Variants in SLC1A4 observed in about 807,000 individuals in gnomAD.
The protein encoded by SLC1A4 is neutral amino acid transporter A.
A neutral mutation model predicts 37.7 loss-of-function variants in SLC1A4; 19 were observed. The observed-to-expected ratio is 0.50, with a 90% CI of 0.35 to 0.74. SLC1A4 has a LOEUF of 0.74. SLC1A4 is among the 30% of genes least tolerant of loss of function. The probability of loss-of-function intolerance (pLI) is 0.01; values close to 1 mark genes in which losing one functional copy is unlikely to be tolerated. For missense variants in SLC1A4, 570 were observed against 712.9 expected (o/e 0.80, Z 2.28); for synonymous variants, 299 against 309.8 (o/e 0.97, Z 0.37).
intron 1 of SLC1A4, among the ~76,000 whole-genome samples, chr2:64,998,469 G>A (rs1673349959): frequency 6.6e-6 from 1 of 151,662 alleles, no homozygotes; most frequent in African/African-American, 2.4e-5. Flanking sequence ...CCTATGGTAA[G>A]TGTATGTTTA....
chr2:65,012,263 G>T (rs914776615), intron 4 of SLC1A4, among the ~76,000 whole-genome samples: 1 of 150,838 alleles, frequency 6.6e-6, no homozygotes, highest in Non-Finnish European at 1.5e-5. Context: ...CTAATTTTTT[G>T]TATTTTTAGT....
intron 1 of SLC1A4, among the ~76,000 whole-genome samples, chr2:64,995,102 C>G (rs768056380): frequency 4.6e-5 from 7 of 152,136 alleles, no homozygotes; most frequent in Non-Finnish European, 1.0e-4. Context: ...GGTTCTCACT[C>G]TTGACCATTT....
rs775645676 is a variant in SLC1A4 at position 65,018,523 on chromosome 2, G to GCCCTGCTCTGCCATCC, written c.1230-20_1230-5dup. 3.1e-6 allele frequency: 5 copies of GCCCTGCTCTGCCATCC among 1,613,356 alleles called. No individual in the cohort carries two copies. The South Asian group carries it at 5.5e-5, about 18-fold the overall frequency. ...ACTCCACGCTCTATGTTAATGGCTG[G>GCCCTGCTCTGCCATCC]CCCTGCTCTGCCATCCCTTAGAGTG... On this transcript the variant is annotated intron_variant, in intron 6 of 7. Transcript: ENST00000234256. This position sits in a 1 kb window ranked among gnomAD's most constrained non-coding sequence, Gnocchi z 4.3.
At chr2:65,008,589 C>T (rs751092668) in intron 3 of SLC1A4, among the ~76,000 whole-genome samples, 6 of 152,010 alleles carry the variant, frequency 3.9e-5, no homozygotes, top group Admixed American at 2.6e-4. Flanking sequence ...TGCAGTGAGC[C>T]GTGTTCACGC....
At chr2:65,005,004 A>G (rs1004710595) in intron 3 of SLC1A4, among the ~76,000 whole-genome samples, 4 of 152,264 alleles carry the variant, frequency 2.6e-5, no homozygotes, top group African/African-American at 9.6e-5. Context: ...AAAATGGCAA[A>G]TAACACTTGT....
Position 65,016,672 on chromosome 2 carries a change from A to G in SLC1A4, c.1033A>G (p.Ser345Gly). 1 of 1,610,440 alleles carries G rather than the reference A, an allele frequency of 6.2e-7. No homozygotes were observed. The highest frequency in any genetic ancestry group is 8.5e-7 in the Non-Finnish European group (1 of 1,176,616). Residue 345 changes from serine to glycine, a missense_variant and splice_region_variant, in exon 5 of 8, where the codon AGC (serine) becomes GGC (glycine). Transcript: ENST00000234256. ...PFATAFATCS[S>G]SATLPSMMKC... ...TGCGACAGCATTTGCTACCTGCTCC[A>G]GGTGAGTGGGTTTTGGGTCTCTTCA...
chr2:65,010,750 T>G lies in SLC1A4; in HGVS notation c.787T>G (p.Ser263Ala), dbSNP rs761479034. ...CAACGAGGCGACGATGGTGCTGGTG[T>G]CCTGGATTATGTGGTGAGTGCTGCT... The part of the protein sequence containing the change: ...SLNEATMVLV[S>A]WIMWYVPVGI... The change falls in exon 4 of 8, where the codon TCC becomes GCC. Residue 263 changes from serine (S) to alanine (A), a missense_variant. Physicochemically the swap from Ser to Ala is moderately conservative, Grantham distance 99. Coordinates refer to ENST00000234256, the MANE Select transcript of SLC1A4 (RefSeq NM_003038.5). The G allele has an allele frequency of 6.2e-7, 1 of 1,612,930 alleles. No homozygotes were observed. Among genetic ancestry groups the G allele is most frequent in the East Asian group, 2.2e-5 (1 of 44,868 alleles).
intron 4 of SLC1A4, among the ~76,000 whole-genome samples, chr2:65,014,702 T>G (rs952061377): frequency 4.6e-5 from 7 of 152,244 alleles, no homozygotes; most frequent in Admixed American, 1.3e-4. Flanking sequence ...CAGTATCTAC[T>G]GAAATTTAAA....
intron 1 of SLC1A4, chr2:65,001,072 A>C (rs1343334227): frequency 5.6e-6 from 1 of 178,418 alleles, no homozygotes; most frequent in Admixed American, 6.1e-5. Context: ...GAGAGATGGA[A>C]ATGAAAATCA....
In SLC1A4 at chr2:65,023,430, T is replaced by A. The variant is rs1315755770; in HGVS notation, c.*2284T>A. 2 of 152,240 alleles carry A rather than the reference T, an allele frequency of 1.3e-5. No homozygotes were observed. The highest frequency in any genetic ancestry group is 6.5e-5 in the Admixed American group (1 of 15,290). 9.4% of individuals were successfully genotyped at this position (152,240 alleles called of 1,614,324 possible). A position where few individuals can be genotyped will look rare whatever the true frequency, so the allele number is the denominator to read the frequency against. On this transcript the variant is annotated 3_prime_UTR_variant, in exon 8 of 8. Transcript: ENST00000234256. ...GAACTTAACTATTAACTACAAGTTGTATGTCTGTGGTATCTTGATTTTCCC... is the reference window on the plus strand; with the variant it reads ...GAACTTAACTATTAACTACAAGTTGAATGTCTGTGGTATCTTGATTTTCCC...
intron 3 of SLC1A4, among the ~76,000 whole-genome samples, chr2:65,004,726 T>A (rs865900415): frequency 1.6e-4 from 25 of 152,292 alleles, no homozygotes; most frequent in African/African-American, 5.8e-4. Context: ...ATAATCCATA[T>A]TTTACCATGT....
At chr2:65,009,350 G>C (rs747620891) in intron 3 of SLC1A4, among the ~76,000 whole-genome samples, 12 of 151,060 alleles carry the variant, frequency 7.9e-5, no homozygotes, top group Non-Finnish European at 1.8e-4. Context: ...TCCAGCCTGG[G>C]GAACAAGAGC....
At chr2:65,013,146 C>T (rs181354210) in intron 4 of SLC1A4, among the ~76,000 whole-genome samples, 43 of 152,234 alleles carry the variant, frequency 2.8e-4, no homozygotes, top group Non-Finnish European at 5.0e-4. Flanking sequence ...GATTACAATT[C>T]AATATGAGAT....
At chr2:65,007,804 C>G (rs1372152587) in intron 3 of SLC1A4, among the ~76,000 whole-genome samples, 2 of 152,104 alleles carry the variant, frequency 1.3e-5, no homozygotes, top group African/African-American at 4.8e-5. Context: ...ATGTCCATCA[C>G]CTTAAACATT....
chr2:64,988,950 C>G (rs1402004111), upstream of SLC1A4, among the ~76,000 whole-genome samples: 1 of 152,070 alleles, frequency 6.6e-6, no homozygotes, highest in Non-Finnish European at 1.5e-5. Flanking sequence ...CCCTCCCTCC[C>G]CTCCCACAGT....
intron 7 of SLC1A4, among the ~76,000 whole-genome samples, chr2:65,019,283 C>G (rs10173484): frequency 0.023 from 3,542 of 152,154 alleles, 137 homozygotes; most frequent in African/African-American, 0.079. Context: ...GGGAAGGCTG[C>G]CTGAGGTACT....
At chr2:65,002,097 C>T (rs979759902) in intron 2 of SLC1A4, among the ~76,000 whole-genome samples, 8 of 151,966 alleles carry the variant, frequency 5.3e-5, no homozygotes, top group Non-Finnish European at 7.4e-5. Flanking sequence ...CTGGCCAACA[C>T]GGTGAAACCC....
At chr2:64,993,297 A>G (rs777857054) in intron 1 of SLC1A4, among the ~76,000 whole-genome samples, 2 of 152,208 alleles carry the variant, frequency 1.3e-5, no homozygotes, top group Non-Finnish European at 2.9e-5. Context: ...CATGATTTCT[A>G]ATTTGGTTTT....
upstream of SLC1A4, among the ~76,000 whole-genome samples, chr2:64,989,235 G>T (rs1330952636): frequency 1.3e-5 from 2 of 151,634 alleles, no homozygotes; most frequent in African/African-American, 4.8e-5. Flanking sequence ...GACACGGGTG[G>T]GGACCAGAGG....
Sources: allele counts gnomAD v4.1 joint callset (sites outside exome capture counted in the v4.1 genomes callset), GRCh38; gene constraint gnomAD v4.1.1; non-coding constraint Gnocchi (gnomAD v3.1); transcripts MANE v1.5; gene names NCBI Gene and HGNC (gene_info 2026-07-23, HGNC 2026-07-21).